The following MARCHF3 variants were observed in gnomAD, a reference collection of about 807,000 sequenced individuals.
MARCHF3 encodes the protein E3 ubiquitin-protein ligase MARCHF3.
A neutral mutation model predicts 24.2 loss-of-function variants in MARCHF3; 13 were observed. That is an observed-to-expected ratio of 0.54 (90% CI 0.35 to 0.85). The LOEUF is 0.85. Among genes scored for constraint, MARCHF3 ranks in the 40% least tolerant of loss-of-function variants. The pLI is 0.01. For missense variants in MARCHF3, 276 were observed against 325.0 expected (o/e 0.85, Z 1.16); for synonymous variants, 144 against 137.3 (o/e 1.05, Z -0.34).
intron 1 of MARCHF3, among the ~76,000 whole-genome samples, chr5:126,966,717 C>T (rs1427926414): frequency 6.6e-6 from 1 of 151,848 alleles, no homozygotes; most frequent in African/African-American, 2.4e-5. Context: ...TTAATCCTCT[C>T]TGAATGCCTC....
intron 3 of MARCHF3, among the ~76,000 whole-genome samples, chr5:126,904,513 G>C (rs1365925689): frequency 6.7e-6 from 1 of 148,584 alleles, no homozygotes; most frequent in Non-Finnish European, 1.5e-5. Flanking sequence ...ATTCTAACTG[G>C]TGTGAGATGG....
At chr5:126,907,723 T>C (rs1298234056) in intron 3 of MARCHF3, among the ~76,000 whole-genome samples, 3 of 146,846 alleles carry the variant, frequency 2.0e-5, no homozygotes, top group Non-Finnish European at 4.5e-5. Context: ...TCTCTGCACG[T>C]GAGATGGGTT....
rs763004759 is a variant in MARCHF3, at chr5:126,918,055, C to G, written c.117G>C (p.Gln39His). Reference sequence around the variant, plus strand: ...CCTTGGCTGAAACTTGCATGACATACTGCGGCTGCCCATTCACTAGGCTGC... The same window carrying G: ...CCTTGGCTGAAACTTGCATGACATAGTGCGGCTGCCCATTCACTAGGCTGC... ...DCGSLVNGQP[Q>H]YVMQVSAKDG... Residue 39 changes from glutamine to histidine, a missense_variant, in exon 2 of 5, where the codon CAG becomes CAC. By Grantham distance (24) the Gln-to-His change is conservative (BLOSUM62 0). Coordinates refer to ENST00000308660, the MANE Select transcript of MARCHF3 (RefSeq NM_178450.5). The G allele has an allele frequency of 4.3e-6, 7 of 1,614,182 alleles. No homozygotes were observed. Among genetic ancestry groups the G allele is most frequent in the Non-Finnish European group, 5.9e-6 (7 of 1,180,030 alleles).
intron 2 of MARCHF3, among the ~76,000 whole-genome samples, chr5:126,917,429 G>T (rs937110240): frequency 6.6e-6 from 1 of 152,158 alleles, no homozygotes; most frequent in East Asian, 1.9e-4. Flanking sequence ...TAGAGTGTGC[G>T]TGAAGGGTCA....
chr5:126,971,704 T>C (rs1404284750), intron 1 of MARCHF3, among the ~76,000 whole-genome samples: 1 of 152,180 alleles, frequency 6.6e-6, no homozygotes, highest in Non-Finnish European at 1.5e-5. Flanking sequence ...ACAGTTATCT[T>C]AGTGTCCATA....
At chr5:126,874,450 G>A (rs1753076982) in intron 4 of MARCHF3, among the ~76,000 whole-genome samples, 1 of 152,154 alleles carries the variant, frequency 6.6e-6, no homozygotes, top group Admixed American at 6.5e-5. Context: ...GCTGGGCGTG[G>A]TGGCACATGC....
At chr5:126,971,922 T>C (rs908766285) in intron 1 of MARCHF3, among the ~76,000 whole-genome samples, 1 of 152,164 alleles carries the variant, frequency 6.6e-6, no homozygotes, top group South Asian at 2.1e-4. Context: ...ACAAAACAGT[T>C]GATCTCAGTG....
chr5:126,986,794 A>T (rs758600161), intron 1 of MARCHF3, among the ~76,000 whole-genome samples: 3 of 152,230 alleles, frequency 2.0e-5, no homozygotes, highest in Non-Finnish European at 4.4e-5. Flanking sequence ...GGTTCTCTTT[A>T]ACAAATAAAC....
chr5:127,011,769 G>T (rs943387503), intron 1 of MARCHF3, among the ~76,000 whole-genome samples: 1 of 152,128 alleles, frequency 6.6e-6, no homozygotes, highest in East Asian at 1.9e-4. Context: ...CAAACACCAG[G>T]TGAATCTACA....
chr5:126,879,492 A>G (rs140752924), intron 3 of MARCHF3, among the ~76,000 whole-genome samples: 45 of 152,288 alleles, frequency 3.0e-4, no homozygotes, highest in African/African-American at 1.1e-3. Context: ...TCTTGACTGA[A>G]CTAATCCCCA....
rs6890333 is a variant in MARCHF3 at position 126,899,198 on chromosome 5, A to C, written c.393+15732T>G. 1,521 of 985,302 alleles carry C rather than the reference A, an allele frequency of 1.5e-3. 28 individuals carry two copies. The African/African-American group carries it at 0.023, about 15-fold the overall frequency. 61.0% of individuals were successfully genotyped at this position (985,302 alleles called of 1,614,324 possible). A position where few individuals can be genotyped will look rare whatever the true frequency, so the allele number is the denominator to read the frequency against. On this transcript the variant is annotated intron_variant, in intron 3 of 4. Coordinates refer to ENST00000308660, the MANE Select transcript of MARCHF3 (RefSeq NM_178450.5). ...CACAGAAACATACATTCCATGAAGA[A>C]TGAGGAGGACGGCAAAGCCTGAAGA...
intron 1 of MARCHF3, among the ~76,000 whole-genome samples, chr5:126,994,002 A>T (rs1751864993): frequency 6.6e-6 from 1 of 152,222 alleles, no homozygotes. Context: ...CTACCTAGTA[A>T]CCTCACACCT....
At chr5:126,899,174 A>G (rs899078780) in intron 3 of MARCHF3, 1 of 985,196 alleles carries the variant, frequency 1.0e-6, no homozygotes, top group African/African-American at 1.7e-5. Flanking sequence ...GAGGCACGCC[A>G]CAGAAACATA....
intron 1 of MARCHF3, among the ~76,000 whole-genome samples, chr5:126,925,849 C>A (rs2126800436): frequency 6.6e-6 from 1 of 152,258 alleles, no homozygotes; most frequent in East Asian, 1.9e-4. Flanking sequence ...AAAATGTACT[C>A]TTCAAATGAT....
intron 2 of MARCHF3, 46 bp from the exon 3 acceptor site, chr5:126,915,180 T>G (rs962328165): frequency 6.3e-7 from 1 of 1,586,264 alleles, no homozygotes; most frequent in Non-Finnish European, 8.6e-7. Flanking sequence ...GCTGGAAACC[T>G]CCACCAAGTG....
intron 1 of MARCHF3, among the ~76,000 whole-genome samples, chr5:126,939,072 C>T (rs1269691846): frequency 6.6e-6 from 1 of 152,144 alleles, no homozygotes; most frequent in East Asian, 1.9e-4. Context: ...AGAGGTTTCT[C>T]CCTTCTTGGA....
intron 1 of MARCHF3, among the ~76,000 whole-genome samples, chr5:126,938,549 A>G (rs1749722697): frequency 6.6e-6 from 1 of 151,664 alleles, no homozygotes; most frequent in Non-Finnish European, 1.5e-5. Context: ...AAGCAAAAAA[A>G]GCAAAAAAAA....
intron 4 of MARCHF3, among the ~76,000 whole-genome samples, chr5:126,873,496 C>T (rs1052747791): frequency 2.0e-5 from 3 of 151,872 alleles, no homozygotes; most frequent in African/African-American, 7.3e-5. Context: ...CAGCAGCAGG[C>T]TGCATCACCT....
chr5:126,872,476 T>G (rs1219038690), intron 4 of MARCHF3, among the ~76,000 whole-genome samples: 2 of 152,046 alleles, frequency 1.3e-5, no homozygotes, highest in African/African-American at 2.4e-5. Flanking sequence ...GAGTCTGATG[T>G]GTAGGTAAGT....
Sources: allele counts gnomAD v4.1 joint callset (sites outside exome capture counted in the v4.1 genomes callset), GRCh38; gene constraint gnomAD v4.1.1; transcripts MANE v1.5; gene names NCBI Gene and HGNC (gene_info 2026-07-23, HGNC 2026-07-21).